Variants in PPM1H observed in about 807,000 individuals in gnomAD.
PPM1H encodes protein phosphatase, Mg2+/Mn2+ dependent 1H.
A neutral mutation model predicts 54.9 loss-of-function variants in PPM1H; 27 were observed. The ratio of observed to expected loss-of-function variants is 0.49; its 90% CI spans 0.36 to 0.68. The LOEUF is 0.68. Ranked by LOEUF, PPM1H falls within the 30% of genes least tolerant of loss-of-function variation. The pLI is 0.00. For missense variants in PPM1H, 596 were observed against 667.8 expected (o/e 0.89, Z 1.19); for synonymous variants, 305 against 270.8 (o/e 1.13, Z -1.24).
chr12:62,916,259 T>G (rs1051452849), intron 1 of PPM1H, among the ~76,000 whole-genome samples: 1 of 152,248 alleles, frequency 6.6e-6, no homozygotes, highest in Non-Finnish European at 1.5e-5. Flanking sequence ...GCTGAAATAG[T>G]CTTAAGTTTT....
chr12:62,689,563 C>T (rs1015073738), intron 8 of PPM1H, 136 bp downstream of exon 8: 8 of 625,830 alleles, frequency 1.3e-5, no homozygotes, highest in Non-Finnish European at 2.2e-5. Context: ...GGGAAAAAGA[C>T]ACAGACGTGA....
chr12:62,832,081 C>T lies in PPM1H; in HGVS notation c.411+33G>A, dbSNP rs370153204. On this transcript the variant is annotated intron_variant, in intron 2 of 9. Transcript: ENST00000228705. ...GGACCAAAGTGTGTGCCATTCTTCTCACCTGAGAACCAAGGATCGAGAAGG... is the reference window on the plus strand; with the variant it reads ...GGACCAAAGTGTGTGCCATTCTTCTTACCTGAGAACCAAGGATCGAGAAGG... The T allele has an allele frequency of 1.1e-5, 17 of 1,607,526 alleles. No homozygotes were observed. The South Asian group carries it at 1.8e-4, about 17-fold the overall frequency.
At chr12:62,927,264 T>A (rs920789792) in intron 1 of PPM1H, among the ~76,000 whole-genome samples, 6 of 152,284 alleles carry the variant, frequency 3.9e-5, no homozygotes, top group African/African-American at 1.2e-4. Context: ...AGAAAACATA[T>A]GAAGATATTC....
At chr12:62,907,710 C>T (rs1871341651) in intron 1 of PPM1H, among the ~76,000 whole-genome samples, 1 of 152,128 alleles carries the variant, frequency 6.6e-6, no homozygotes, top group African/African-American at 2.4e-5. Flanking sequence ...TAAACGTGTA[C>T]CTGTACCAAA....
intron 2 of PPM1H, among the ~76,000 whole-genome samples, chr12:62,831,730 AGTGT>A (rs1159097469): frequency 1.5e-5 from 2 of 137,684 alleles, no homozygotes; most frequent in African/African-American, 2.8e-5. Flanking sequence ...TGTGTGTGTG[AGTGT>A]GTGTGTATAC....
At chr12:62,885,042 G>T (rs561301645) in intron 1 of PPM1H, among the ~76,000 whole-genome samples, 73 of 152,204 alleles carry the variant, frequency 4.8e-4, no homozygotes, top group African/African-American at 1.7e-3. Context: ...GGAGGTGAAA[G>T]GCACTTCTTA....
intron 1 of PPM1H, among the ~76,000 whole-genome samples, chr12:62,915,020 T>C (rs944401834): frequency 5.3e-5 from 8 of 152,218 alleles, no homozygotes; most frequent in Non-Finnish European, 1.2e-4. Context: ...TTCCCAATAC[T>C]TGCTTACTAA....
chr12:62,683,971 G>A (rs2076037623), intron 8 of PPM1H, among the ~76,000 whole-genome samples: 1 of 152,234 alleles, frequency 6.6e-6, no homozygotes, highest in Admixed American at 6.5e-5. Flanking sequence ...GGGACTGGGA[G>A]AATTGCTGAG....
chr12:62,835,590 C>T (rs1163361380), intron 1 of PPM1H, among the ~76,000 whole-genome samples: 1 of 152,188 alleles, frequency 6.6e-6, no homozygotes, highest in East Asian at 1.9e-4. Flanking sequence ...AAGTATCAGA[C>T]AGTCAGAAAT....
chr12:62,858,226 T>C (rs1044794287), intron 1 of PPM1H, among the ~76,000 whole-genome samples: 6 of 152,212 alleles, frequency 3.9e-5, no homozygotes, highest in Non-Finnish European at 5.9e-5. Context: ...CCCTATTAAA[T>C]TGACAAGAAT....
chr12:62,855,853 G>A (rs1869364884), intron 1 of PPM1H, among the ~76,000 whole-genome samples: 2 of 152,180 alleles, frequency 1.3e-5, no homozygotes, highest in East Asian at 1.9e-4. Flanking sequence ...TTCTTGAGCT[G>A]TGTTCTCAAA....
At chr12:62,756,768 G>A (rs1222728335) in intron 4 of PPM1H, among the ~76,000 whole-genome samples, 9 of 152,116 alleles carry the variant, frequency 5.9e-5, no homozygotes, top group Admixed American at 3.3e-4. Flanking sequence ...ATGACGGCAC[G>A]TGAAAGCCTA....
chr12:62,920,634 A>G (rs1315143429), intron 1 of PPM1H, among the ~76,000 whole-genome samples: 1 of 151,638 alleles, frequency 6.6e-6, no homozygotes, highest in African/African-American at 2.4e-5. Flanking sequence ...AAAAAAAAAA[A>G]AAAGAAAGAA....
intron 1 of PPM1H, among the ~76,000 whole-genome samples, chr12:62,874,721 A>G (rs577030333): frequency 2.0e-4 from 31 of 152,354 alleles, no homozygotes; most frequent in Non-Finnish European, 3.5e-4. Context: ...ATTCTCATCC[A>G]TATAGGCATG....
intron 4 of PPM1H, among the ~76,000 whole-genome samples, chr12:62,738,145 C>A (rs944350710): frequency 6.6e-6 from 1 of 152,160 alleles, no homozygotes; most frequent in Non-Finnish European, 1.5e-5. Flanking sequence ...TTTGACAGTG[C>A]AGCTCTAGAT....
At chr12:62,860,454 T>C (rs778130978) in intron 1 of PPM1H, among the ~76,000 whole-genome samples, 1 of 152,148 alleles carries the variant, frequency 6.6e-6, no homozygotes, top group Non-Finnish European at 1.5e-5. Context: ...TATATATCCA[T>C]TTAAAAAATC....
intron 1 of PPM1H, among the ~76,000 whole-genome samples, chr12:62,835,726 T>A (rs1868484108): frequency 6.6e-6 from 1 of 151,958 alleles, no homozygotes; most frequent in Non-Finnish European, 1.5e-5. Context: ...AAAGTCACTG[T>A]GTTTAAAAAA....
At chr12:62,676,634 C>T (rs968906302) in intron 8 of PPM1H, among the ~76,000 whole-genome samples, 12 of 152,130 alleles carry the variant, frequency 7.9e-5, no homozygotes, top group African/African-American at 2.2e-4. Flanking sequence ...TGTCGTGACC[C>T]GGCTGGGTGT....
At chr12:62,666,105 T>C (rs190108248) in intron 9 of PPM1H, among the ~76,000 whole-genome samples, 1 of 152,124 alleles carries the variant, frequency 6.6e-6, no homozygotes, top group Admixed American at 6.5e-5. Context: ...TGAGACCGAG[T>C]CTTCCTCTGT....
Sources: allele counts gnomAD v4.1 joint callset (sites outside exome capture counted in the v4.1 genomes callset), GRCh38; gene constraint gnomAD v4.1.1; transcripts MANE v1.5; gene names NCBI Gene and HGNC (gene_info 2026-07-23, HGNC 2026-07-21).